The following C10orf90 variants were observed in gnomAD, a reference collection of about 807,000 sequenced individuals.
C10orf90 encodes the protein (E2-independent) E3 ubiquitin-conjugating enzyme FATS.
In C10orf90, 56 loss-of-function variants were observed where a neutral mutation model predicts 62.5. The ratio of observed to expected loss-of-function variants is 0.90; its 90% CI spans 0.72 to 1.12. C10orf90 has a LOEUF of 1.12. Ranked by LOEUF, C10orf90 falls within the 50% of genes most tolerant of loss-of-function variation. The pLI is 0.00. For synonymous variants in C10orf90, 386 were observed against 340.4 expected (o/e 1.13, Z -1.47); for missense variants, 970 against 880.4 (o/e 1.10, Z -1.29).
chr10:126,438,424 G>A (rs1041409410), intron 7 of C10orf90, among the ~76,000 whole-genome samples: 1 of 152,076 alleles, frequency 6.6e-6, no homozygotes, highest in East Asian at 1.9e-4. Context: ...AGGTCCAAAA[G>A]GAAATTTAGG....
chr10:126,515,145 T>C (rs1293795294), intron 2 of C10orf90, among the ~76,000 whole-genome samples: 1 of 152,244 alleles, frequency 6.6e-6, no homozygotes, highest in Non-Finnish European at 1.5e-5. Flanking sequence ...ACTGCATATA[T>C]GACAGTGGTC....
chr10:126,436,610 T>C (rs1857934248), intron 7 of C10orf90, among the ~76,000 whole-genome samples: 1 of 152,164 alleles, frequency 6.6e-6, no homozygotes, highest in Non-Finnish European at 1.5e-5. Context: ...GACAAGCTAC[T>C]TGTGCTAAGA....
chr10:126,554,935 A>T (rs889495939), intron 2 of C10orf90, among the ~76,000 whole-genome samples: 1 of 152,232 alleles, frequency 6.6e-6, no homozygotes, highest in Non-Finnish European at 1.5e-5. Flanking sequence ...TTGAAGAAGC[A>T]CTTGCTCCTT....
intron 2 of C10orf90, among the ~76,000 whole-genome samples, chr10:126,619,388 C>A (rs890501183): frequency 2.6e-5 from 4 of 152,180 alleles, no homozygotes; most frequent in African/African-American, 9.7e-5. Context: ...CAAGTAGTTG[C>A]GCCAGTTCTT....
chr10:126,487,142 C>CAAAAAAAAAAAAAAA (rs1158481155), intron 4 of C10orf90, among the ~76,000 whole-genome samples: 3 of 29,460 alleles, frequency 1.0e-4, no homozygotes, highest in East Asian at 1.2e-3. Flanking sequence ...AAAACTCTGT[C>CAAAAAAAAAAAAAAA]AAAAAAAAAA....
At chr10:126,474,725 A>G (rs1434567932) in intron 4 of C10orf90, among the ~76,000 whole-genome samples, 1 of 152,260 alleles carries the variant, frequency 6.6e-6, no homozygotes, top group African/African-American at 2.4e-5. Context: ...CTTTTAAAAG[A>G]AAAAGATTTT....
chr10:126,653,914 G>A (rs899255761), intron 1 of C10orf90, among the ~76,000 whole-genome samples: 15 of 152,110 alleles, frequency 9.9e-5, no homozygotes, highest in Non-Finnish European at 1.8e-4. Flanking sequence ...CATTTCCATC[G>A]GAGCTCTTGG....
intron 3 of C10orf90, among the ~76,000 whole-genome samples, chr10:126,511,063 G>A (rs781730405): frequency 3.9e-5 from 6 of 152,146 alleles, no homozygotes; most frequent in African/African-American, 9.7e-5. Flanking sequence ...TCCTCTCCGC[G>A]TTTGCTGCAA....
chr10:126,492,543 A>G (rs1282072166), intron 4 of C10orf90, among the ~76,000 whole-genome samples: 1 of 152,260 alleles, frequency 6.6e-6, no homozygotes, highest in African/African-American at 2.4e-5. Context: ...CACAGACAAC[A>G]TTAAAAAGTA....
chr10:126,657,005 C>T (rs377730588), intron 1 of C10orf90, among the ~76,000 whole-genome samples: 3 of 152,302 alleles, frequency 2.0e-5, no homozygotes, highest in East Asian at 3.9e-4. Context: ...TGACAACCAT[C>T]CCAGGCATTC....
chr10:126,630,408 G>A (rs1845829109), intron 2 of C10orf90, among the ~76,000 whole-genome samples: 1 of 152,184 alleles, frequency 6.6e-6, no homozygotes, highest in African/African-American at 2.4e-5. Flanking sequence ...CCATGCTGAT[G>A]TGATGGCCCA....
At chr10:126,559,637 G>C (rs998042039) in intron 2 of C10orf90, among the ~76,000 whole-genome samples, 4 of 152,140 alleles carry the variant, frequency 2.6e-5, no homozygotes, top group Non-Finnish European at 4.4e-5. Flanking sequence ...GTCAGTGCTG[G>C]TGGAATTGAT....
intron 2 of C10orf90, among the ~76,000 whole-genome samples, chr10:126,538,051 C>T (rs773326394): frequency 2.6e-5 from 4 of 152,100 alleles, no homozygotes; most frequent in Admixed American, 6.6e-5. Flanking sequence ...AAAGATATAT[C>T]TAAGACTGGG....
intron 2 of C10orf90, among the ~76,000 whole-genome samples, chr10:126,576,786 A>ATGTACATATACATATATATG (rs1564879284): frequency 8.3e-6 from 1 of 120,050 alleles, no homozygotes; most frequent in African/African-American, 3.2e-5. Flanking sequence ...TACATATTAT[A>ATGTACATATACATATATATG]TATATATTTC....
intron 4 of C10orf90, among the ~76,000 whole-genome samples, chr10:126,489,756 A>G (rs1452708545): frequency 2.0e-5 from 3 of 151,498 alleles, no homozygotes; most frequent in Non-Finnish European, 2.9e-5. Flanking sequence ...GCAGAGACTT[A>G]AAGATGTACT....
At chr10:126,474,371 T>C (rs1023926079) in intron 4 of C10orf90, among the ~76,000 whole-genome samples, 1 of 152,148 alleles carries the variant, frequency 6.6e-6, no homozygotes, top group Non-Finnish European at 1.5e-5. Context: ...GGGTGGCAGG[T>C]GTGCAATCCC....
At chr10:126,532,612 C>G (rs1373264583) in intron 2 of C10orf90, among the ~76,000 whole-genome samples, 2 of 151,604 alleles carry the variant, frequency 1.3e-5, no homozygotes, top group African/African-American at 4.8e-5. Context: ...CCGAGGAGGG[C>G]AGATCACGAG....
chr10:126,510,622 C>A (rs1863049122), intron 3 of C10orf90, among the ~76,000 whole-genome samples: 1 of 152,118 alleles, frequency 6.6e-6, no homozygotes, highest in South Asian at 2.1e-4. Flanking sequence ...TTTGGTGAAC[C>A]ATCCATTTCC....
intron 2 of C10orf90, among the ~76,000 whole-genome samples, chr10:126,569,334 G>A (rs1220979755): frequency 1.3e-5 from 2 of 152,078 alleles, no homozygotes; most frequent in Non-Finnish European, 1.5e-5. Context: ...CTCCTTTATT[G>A]CAGCACAGAT....
Sources: gnomAD v4.1 joint callset for allele counts (sites outside exome capture counted in the v4.1 genomes callset) on GRCh38, gnomAD v4.1.1 for gene constraint, MANE v1.5 for transcripts, NCBI Gene and HGNC (gene_info 2026-07-23, HGNC 2026-07-21) for gene names.